RGS4: variants seen among roughly 807,000 people sequenced by gnomAD.
The protein encoded by RGS4 is regulator of G protein signaling 4.
In RGS4, 15 loss-of-function variants were observed where a neutral mutation model predicts 21.6. The ratio of observed to expected loss-of-function variants is 0.69; its 90% CI spans 0.46 to 1.07. The LOEUF (loss-of-function observed/expected upper bound fraction) is 1.07. Ranked by LOEUF, RGS4 falls within the 50% of genes least tolerant of loss-of-function variation. The pLI, the probability that RGS4 is intolerant of heterozygous loss-of-function variation, is 0.00. For missense variants in RGS4, 237 were observed against 239.0 expected, an observed-to-expected ratio of 0.99 and a Z score of 0.06; for synonymous variants, 94 against 85.5, an observed-to-expected ratio of 1.10 and a Z score of -0.55.
In RGS4 at chr1:163,076,284, C is replaced by T. The variant is rs1156740343; in HGVS notation, c.*1724C>T. 6.6e-6 allele frequency: 1 copy of T among 152,546 alleles called. No homozygotes were observed. The highest frequency in any genetic ancestry group is 6.6e-5 in the Admixed American group (1 of 15,252). The allele number at this position is 152,546 out of a possible 1,614,324, so 9.4% of individuals were successfully genotyped here. On this transcript the variant is annotated 3_prime_UTR_variant, in exon 5 of 5. Transcript: ENST00000367909. ...GCTTTTAAGCCAATATAATGGGCTG[C>T]AAAATGAAGACACCAGAGTGTATGC... is the stretch of plus-strand genomic sequence containing the variant.
At chr1:163,074,248 C>A in intron 4 of RGS4, 73 bp from the exon 5 acceptor site, 1 of 1,582,390 alleles carries the variant, frequency 6.3e-7, no homozygotes, top group Non-Finnish European at 8.6e-7. Flanking sequence ...ACTTACAAGT[C>A]ACTACAAAGC....
intron 4 of RGS4, chr1:163,074,097 TAGAC>T: frequency 3.6e-6 from 2 of 557,142 alleles, no homozygotes; most frequent in South Asian, 2.7e-5. Flanking sequence ...CCCAATTTGT[TAGAC>T]AGAACAGAAG....
chr1:163,072,290 T>C, intron 1 of RGS4, 105 bp from the exon 2 acceptor site: 1 of 955,176 alleles, frequency 1.0e-6, no homozygotes, highest in Non-Finnish European at 1.5e-6. Flanking sequence ...CCCTAAACTG[T>C]CTCTGAGCCA....
At chr1:163,071,870 C>CCCA (rs1655325167) in intron 1 of RGS4, 1 of 57,410 alleles carries the variant, frequency 1.7e-5, no homozygotes, top group Non-Finnish European at 4.6e-5. Flanking sequence ...CCCCCCCCCC[C>CCCA]CCCAACATAC....
intron 3 of RGS4, 59 bp downstream of exon 3, chr1:163,072,925 G>T: frequency 7.0e-7 from 1 of 1,420,940 alleles, no homozygotes; most frequent in Non-Finnish European, 9.9e-7. Context: ...ATATTATGCT[G>T]GTCTAATAGA....
At position 163,069,463 on chromosome 1, in the gene RGS4, G is replaced by A; in HGVS notation, c.-22G>A. On this transcript the variant is annotated 5_prime_UTR_variant, in exon 1 of 5. Transcript: ENST00000367909. Reference sequence around the variant, plus strand: ...CCTGCCGCATTTCTTTCCTGCTTGCGAATTCCAAGCTGTTAAATAAGATGT... The same window carrying A: ...CCTGCCGCATTTCTTTCCTGCTTGCAAATTCCAAGCTGTTAAATAAGATGT... The A allele has an allele frequency of 1.9e-6, 3 of 1,613,442 alleles. No homozygotes were observed. Among genetic ancestry groups the A allele is most frequent in the Non-Finnish European group, 2.5e-6 (3 of 1,179,734 alleles).
At position 163,076,241 on chromosome 1, in the gene RGS4, T is replaced by C. The variant is rs1011394485; in HGVS notation, c.*1681T>C. 4 of 152,720 alleles carry C rather than the reference T, an allele frequency of 2.6e-5. No individual in the cohort carries two copies. The highest frequency in any genetic ancestry group is 6.5e-5 in the Admixed American group (1 of 15,280). 9.5% of individuals were successfully genotyped at this position (152,720 alleles called of 1,614,324 possible). On this transcript the variant is annotated 3_prime_UTR_variant, in exon 5 of 5. Transcript: ENST00000367909. ...ATTCGTTGCTCCAGTATAAATTACATGCATGAGCACCTTTCTGGCTTTTAA... is the reference window on the plus strand; with the variant it reads ...ATTCGTTGCTCCAGTATAAATTACACGCATGAGCACCTTTCTGGCTTTTAA...
chr1:163,069,800 A>C (rs916683237), intron 1 of RGS4, among the ~76,000 whole-genome samples: 1 of 152,128 alleles, frequency 6.6e-6, no homozygotes, highest in African/African-American at 2.4e-5. Context: ...GTTTTAATTA[A>C]GAAGCGAGAT....
rs563661821 is a variant in RGS4, at chr1:163,071,946, G to A, written c.45-449G>A. 4 of 977,072 alleles carry A rather than the reference G, an allele frequency of 4.1e-6. No homozygotes were observed. In the Admixed American group the frequency reaches 2.8e-4, roughly 69 times the overall value. 60.5% of individuals were successfully genotyped at this position (977,072 alleles called of 1,614,324 possible). On this transcript the variant is annotated intron_variant, in intron 1 of 4. Coordinates refer to ENST00000367909, the MANE Select transcript of RGS4 (RefSeq NM_005613.6). Reference sequence around the variant, plus strand: ...TCTACAGTTCCCTCTGCCAGCAGGGGAACAGATGGAAATAGCAATCACCTG... The same window carrying A: ...TCTACAGTTCCCTCTGCCAGCAGGGAAACAGATGGAAATAGCAATCACCTG...
At position 163,074,695 on chromosome 1, in the gene RGS4, G is replaced by A; in HGVS notation, c.*135G>A. On this transcript the variant is annotated 3_prime_UTR_variant, in exon 5 of 5. Transcript: ENST00000367909. ...AATATTCATGCTGCCTGCCATGTGT[G>A]AGTCACTTCTACGCATAAACTAGAT... The A allele has an allele frequency of 7.8e-7, 1 of 1,278,234 alleles. No individual in the cohort carries two copies. The highest frequency in any genetic ancestry group is 1.1e-6 in the Non-Finnish European group (1 of 887,192). The allele number at this position is 1,278,234 out of a possible 1,614,324, so 79.2% of individuals were successfully genotyped here.
Position 163,069,422 on chromosome 1 carries a change from C to A in RGS4, c.-63C>A, listed in dbSNP as rs759172375. On this transcript the variant is annotated 5_prime_UTR_variant, in exon 1 of 5. Coordinates refer to ENST00000367909, the MANE Select transcript of RGS4 (RefSeq NM_005613.6). ...AGAAGAGGCAAAGTACGCTCAAAGC[C>A]GAAGCCACAGCTCCTCCTGCCGCAT... 1.9e-6 allele frequency: 3 copies of A among 1,610,702 alleles called. No individual in the cohort carries two copies. Among genetic ancestry groups the A allele is most frequent in the Non-Finnish European group, 2.5e-6 (3 of 1,178,480 alleles).
chr1:163,072,833 G>C lies in RGS4; in HGVS notation c.178G>C (p.Ala60Pro). The C allele has an allele frequency of 6.2e-7, 1 of 1,613,114 alleles. No individual in the cohort carries two copies. The highest frequency in any genetic ancestry group is 1.1e-5 in the South Asian group (1 of 91,034). ...GAGCCAAGAGGAAGTCAAGAAATGG[G>C]CTGAATCACTGGAAAACCTGATTAG... ...RVSQEEVKKWAESLENLISHE... is the reference protein window; with the variant it reads ...RVSQEEVKKWPESLENLISHE... Residue 60 changes from alanine (A) to proline (P), a missense_variant, in exon 3 of 5, where the codon GCT (alanine) becomes CCT (proline). Physicochemically the swap from Ala to Pro is conservative, Grantham distance 27 (BLOSUM62 -1). Transcript: ENST00000367909.
chr1:163,071,869 C>CCCCCCCCA (rs1655324782), intron 1 of RGS4: 2 of 53,914 alleles, frequency 3.7e-5, no homozygotes. Flanking sequence ...CCCCCCCCCC[C>CCCCCCCCA]CCCCAACATA....
At chr1:163,069,175 A>G (rs1655217705), upstream of RGS4, 5 of 1,501,724 alleles carry the variant, frequency 3.3e-6, no homozygotes, top group South Asian at 1.3e-5. Context: ...CCATATCCCT[A>G]CTTTTCAGAA....
intron 1 of RGS4, among the ~76,000 whole-genome samples, chr1:163,071,703 G>A (rs572655254): frequency 6.6e-6 from 1 of 152,044 alleles, no homozygotes; most frequent in South Asian, 2.1e-4. Flanking sequence ...AAGAAGGAAA[G>A]CAGCAGCAGC....
Position 163,074,981 on chromosome 1 carries a change from A to C in RGS4, c.*421A>C, listed in dbSNP as rs933527990. 8.7e-6 allele frequency: 4 copies of C among 458,668 alleles called. No homozygotes were observed. The highest frequency in any genetic ancestry group is 1.6e-5 in the Non-Finnish European group (4 of 254,452). 28.4% of individuals were successfully genotyped at this position (458,668 alleles called of 1,614,324 possible). ...GACTCTAGATGTTTAGATGAGGTTG[A>C]GCTATGATATGTGCTTGTGTGTATG... On this transcript the variant is annotated 3_prime_UTR_variant, in exon 5 of 5. Coordinates refer to ENST00000367909, the MANE Select transcript of RGS4 (RefSeq NM_005613.6).
chr1:163,069,498 T>C lies in RGS4; in HGVS notation c.14T>C (p.Leu5Pro). ...CTGTTAAATAAGATGTGCAAAGGGC[T>C]TGCAGGTCTGCCGGCTTCTTGCTTG... MCKG[L>P]AGLPASCLRS... Residue 5 changes from leucine (L) to proline (P), a missense_variant, in exon 1 of 5, where the codon CTT becomes CCT. Coordinates refer to ENST00000367909, the MANE Select transcript of RGS4 (RefSeq NM_005613.6). 1 of 1,613,600 alleles carries C rather than the reference T, an allele frequency of 6.2e-7. No individual in the cohort carries two copies. The highest frequency in any genetic ancestry group is 8.5e-7 in the Non-Finnish European group (1 of 1,179,740).
rs142250495 is a variant in RGS4, at chr1:163,074,511, G to T, written c.569G>T (p.Gly190Val). The change falls in exon 5 of 5, where the codon GGA (glycine) becomes GTA (valine). Residue 190 changes from glycine (G) to valine (V), a missense_variant. Gly to Val is a moderately radical substitution (Grantham distance 109). Transcript: ENST00000367909. ...PSSCGAEKQK[G>V]AKSSADCASL... ...AGCTGTGGGGCAGAAAAGCAGAAAG[G>T]AGCCAAGAGTTCAGCAGACTGTGCT... 3.0e-4 allele frequency: 490 copies of T among 1,613,904 alleles called. 1 individual carries two copies. In the African/African-American group the frequency reaches 5.7e-3, roughly 19 times the overall value.
chr1:163,073,906 A>C, intron 4 of RGS4: 1 of 373,632 alleles, frequency 2.7e-6, no homozygotes, highest in Non-Finnish European at 4.8e-6. Flanking sequence ...CCATTAGCCA[A>C]CCTGACCAAA....
Sources: gnomAD v4.1 joint callset for allele counts (sites outside exome capture counted in the v4.1 genomes callset) on GRCh38, gnomAD v4.1.1 for gene constraint, MANE v1.5 for transcripts, NCBI Gene and HGNC (gene_info 2026-07-23, HGNC 2026-07-21) for gene names.